FRAS1: variants seen among roughly 807,000 people sequenced by gnomAD.
FRAS1 encodes extracellular matrix organizing protein FRAS1.
FRAS1 carries 290 observed loss-of-function variants against 435.2 expected under a neutral mutation model. The ratio of observed to expected loss-of-function variants is 0.67; its 90% CI spans 0.61 to 0.73. The LOEUF (loss-of-function observed/expected upper bound fraction) is 0.73, where lower values mean the gene tolerates loss of function less well. FRAS1 is among the 30% of genes least tolerant of loss of function. FRAS1 has a pLI of 0.00. For missense variants in FRAS1, 4,860 were observed against 5,001.5 expected (o/e 0.97, Z 0.85); for synonymous variants, 1,800 against 1,851.0 (o/e 0.97, Z 0.71).
intron 20 of FRAS1, chr4:78,338,130 A>G: frequency 4.1e-6 from 1 of 245,898 alleles, no homozygotes; most frequent in Non-Finnish European, 8.0e-6. Flanking sequence ...AGTGTTCTGA[A>G]AATAAGTCAC....
At chr4:78,477,059 A>G (rs942499994) in intron 54 of FRAS1, among the ~76,000 whole-genome samples, 8 of 151,948 alleles carry the variant, frequency 5.3e-5, no homozygotes, top group Admixed American at 3.9e-4. Context: ...CATATAAAAT[A>G]ATTTCTCTGT....
chr4:78,421,608 A>G (rs1733790528), intron 33 of FRAS1, among the ~76,000 whole-genome samples: 1 of 152,218 alleles, frequency 6.6e-6, no homozygotes, highest in South Asian at 2.1e-4. Flanking sequence ...CCTTCAATCC[A>G]ATCAAGTTGA....
rs1292336259 is a variant in FRAS1, at chr4:78,544,007, T to C, written c.*2883T>C. On this transcript the variant is annotated 3_prime_UTR_variant, in exon 74 of 74. Coordinates refer to ENST00000512123, the MANE Select transcript of FRAS1 (RefSeq NM_025074.7). ...TCCTAGAGGACTCCTGCAGATTCTA[T>C]TGTTGGGTGGGAAATAGTGTTGGAA... 2 of 152,644 alleles carry C rather than the reference T, an allele frequency of 1.3e-5. No individual in the cohort carries two copies. Among genetic ancestry groups the C allele is most frequent in the East Asian group, 1.9e-4 (1 of 5,196 alleles). 9.5% of individuals were successfully genotyped at this position (152,644 alleles called of 1,614,324 possible). A position where few individuals can be genotyped will look rare whatever the true frequency, so the allele number is the denominator to read the frequency against.
intron 18 of FRAS1, among the ~76,000 whole-genome samples, chr4:78,319,952 TCA>T (rs1729433010): frequency 6.6e-6 from 1 of 152,260 alleles, no homozygotes; most frequent in Admixed American, 6.5e-5. Flanking sequence ...GTGTTTGCAT[TCA>T]CAGTGTTAGA....
rs752319030 is a variant in FRAS1 at position 78,464,511 on chromosome 4, A to T, written c.6957A>T (p.Gly2319=). Residue 2319 remains glycine (G), a synonymous_variant, in exon 49 of 74, where the codon GGA becomes GGT. Coordinates refer to ENST00000512123, the MANE Select transcript of FRAS1 (RefSeq NM_025074.7). ...CGCTGCCCGTCGTACAGAACTTAGG[A>T]ATGCGGGTGCAGGAGGGCATGAGGA... ...DDSLPVVQNL[G]MRVQEGMRKT... is the part of the protein sequence containing the mutation. The T allele has an allele frequency of 2.5e-6, 4 of 1,613,970 alleles. No individual in the cohort carries two copies. Among genetic ancestry groups the T allele is most frequent in the Admixed American group, 1.7e-5 (1 of 60,030 alleles).
chr4:78,204,495 A>C lies in FRAS1; in HGVS notation c.109-33015A>C, dbSNP rs144497633. On this transcript the variant is annotated intron_variant, in intron 2 of 73. Coordinates refer to ENST00000512123, the MANE Select transcript of FRAS1 (RefSeq NM_025074.7). ...AGTGAGATAAGTGCTAACTAAAGGAATAAATTACAGTAAAACTTTCTCTTT... is the reference window on the plus strand; with the variant it reads ...AGTGAGATAAGTGCTAACTAAAGGACTAAATTACAGTAAAACTTTCTCTTT... 3.6e-4 allele frequency among the ~76,000 whole-genome samples: 55 copies of C among 152,368 alleles called. No individual in the cohort carries two copies. The East Asian group carries it at 0.01, about 28-fold the overall frequency.
At chr4:78,279,199 GAAA>G (rs1340129024) in intron 10 of FRAS1, among the ~76,000 whole-genome samples, 9 of 152,212 alleles carry the variant, frequency 5.9e-5, no homozygotes, top group Non-Finnish European at 1.3e-4. Flanking sequence ...TAGGGATCAG[GAAA>G]TGCAAAGGCA....
chr4:78,238,400 G>A (rs1724851618), intron 3 of FRAS1, among the ~76,000 whole-genome samples: 1 of 78,834 alleles, frequency 1.3e-5, no homozygotes, highest in Non-Finnish European at 3.2e-5. Context: ...CCCAGGACAA[G>A]ACCAATTATT....
chr4:78,492,833 T>C (rs1720401385), intron 59 of FRAS1, among the ~76,000 whole-genome samples: 1 of 152,182 alleles, frequency 6.6e-6, no homozygotes, highest in Non-Finnish European at 1.5e-5. Flanking sequence ...AAAGAGCTTC[T>C]GCACAGCAAA....
chr4:78,273,259 A>T (rs1692525593), intron 9 of FRAS1, among the ~76,000 whole-genome samples: 2 of 152,174 alleles, frequency 1.3e-5, no homozygotes, highest in Admixed American at 1.3e-4. Flanking sequence ...TCCTCTGCAA[A>T]TAGGGACAAT....
At chr4:78,334,818 G>A (rs1026196653) in intron 19 of FRAS1, among the ~76,000 whole-genome samples, 1 of 151,998 alleles carries the variant, frequency 6.6e-6, no homozygotes, top group African/African-American at 2.4e-5. Context: ...GAGTGCAGTG[G>A]CATGATCATA....
intron 4 of FRAS1, among the ~76,000 whole-genome samples, chr4:78,252,174 A>G (rs1266329161): frequency 6.6e-6 from 1 of 152,138 alleles, no homozygotes; most frequent in Non-Finnish European, 1.5e-5. Context: ...TAAATAAAAA[A>G]TCTTCGCGGT....
At chr4:78,276,845 C>G (rs530034053) in intron 9 of FRAS1, among the ~76,000 whole-genome samples, 33 of 152,328 alleles carry the variant, frequency 2.2e-4, no homozygotes, top group Middle Eastern at 3.4e-3. Flanking sequence ...TCAAAGCTGT[C>G]AGACAGGGAC....
rs781713147 is a variant in FRAS1 at position 78,488,922 on chromosome 4, G to A, written c.8800G>A (p.Glu2934Lys). Residue 2934 changes from glutamate (E) to lysine (K), a missense_variant, in exon 59 of 74, where the codon GAG becomes AAG. Coordinates refer to ENST00000512123, the MANE Select transcript of FRAS1 (RefSeq NM_025074.7). ...AKDLLLVKEKEGVLHVPITRS... is the reference protein window; with the variant it reads ...AKDLLLVKEKKGVLHVPITRS... ...GGATTTGCTCCTAGTGAAGGAGAAGGAGGGTGTCCTGCATGTCCCTATCAC... is the reference window on the plus strand; with the variant it reads ...GGATTTGCTCCTAGTGAAGGAGAAGAAGGGTGTCCTGCATGTCCCTATCAC... The A allele has an allele frequency of 5.0e-6, 8 of 1,613,468 alleles. No homozygotes were observed. The highest frequency in any genetic ancestry group is 1.7e-4 in the Middle Eastern group (1 of 5,994).
chr4:78,208,793 C>T (rs577795944), intron 2 of FRAS1, among the ~76,000 whole-genome samples: 77 of 152,004 alleles, frequency 5.1e-4, no homozygotes, highest in Non-Finnish European at 7.5e-4. Context: ...TTCAAGATGA[C>T]GTTAAAACTT....
intron 30 of FRAS1, among the ~76,000 whole-genome samples, chr4:78,406,890 C>T (rs529532735): frequency 6.6e-6 from 1 of 152,066 alleles, no homozygotes. Context: ...CTGAAATGCT[C>T]CAAAATCCAT....
At chr4:78,406,813 T>C (rs1275268846) in intron 30 of FRAS1, among the ~76,000 whole-genome samples, 1 of 152,092 alleles carries the variant, frequency 6.6e-6, no homozygotes, top group East Asian at 1.9e-4. Flanking sequence ...TATAGTGGGG[T>C]GCCTGCCGTA....
At chr4:78,516,096 C>A in intron 66 of FRAS1, 83 bp downstream of exon 66, 2 of 1,067,320 alleles carry the variant, frequency 1.9e-6, no homozygotes, top group Non-Finnish European at 1.3e-6. Context: ...CTTCAATTAG[C>A]ACTTTGCCTC....
intron 54 of FRAS1, among the ~76,000 whole-genome samples, chr4:78,475,923 T>C (rs955517425): frequency 5.3e-5 from 8 of 152,222 alleles, no homozygotes; most frequent in Non-Finnish European, 1.2e-4. Context: ...TCTTCTCCTC[T>C]CACCTTCTTT....
Sources: gnomAD v4.1 joint callset for allele counts (sites outside exome capture counted in the v4.1 genomes callset) on GRCh38, gnomAD v4.1.1 for gene constraint, MANE v1.5 for transcripts, NCBI Gene and HGNC (gene_info 2026-07-23, HGNC 2026-07-21) for gene names.